Variants in CHD7 observed in about 807,000 individuals in gnomAD.
CHD7 encodes chromodomain helicase DNA binding protein 7.
CHD7 carries 24 observed loss-of-function variants against 307.3 expected under a neutral mutation model. The ratio of observed to expected loss-of-function variants is 0.08; its 90% CI spans 0.06 to 0.11. The LOEUF is 0.11. CHD7 is among the 10% of genes least tolerant of loss of function. The pLI, the probability that CHD7 is intolerant of heterozygous loss-of-function variation, is 1.00. For missense variants in CHD7, 3,106 were observed against 3,727.1 expected (o/e 0.83, Z 4.34); for synonymous variants, 1,363 against 1,349.9 (o/e 1.01, Z -0.21).
intron 1 of CHD7, among the ~76,000 whole-genome samples, chr8:60,708,584 A>G (rs150501255): frequency 6.6e-6 from 1 of 152,304 alleles, no homozygotes; most frequent in Non-Finnish European, 1.5e-5. Flanking sequence ...TTCTAACTGT[A>G]GGATCTGCTC....
intron 1 of CHD7, among the ~76,000 whole-genome samples, chr8:60,695,351 A>G (rs574462919): frequency 1.3e-5 from 2 of 152,328 alleles, no homozygotes; most frequent in South Asian, 2.1e-4. Flanking sequence ...ATAATTTGAC[A>G]TTGTTTTTAT....
chr8:60,848,863 T>C (rs1805325576), intron 24 of CHD7, among the ~76,000 whole-genome samples, 188 bp from the exon 25 acceptor site: 1 of 152,202 alleles, frequency 6.6e-6, no homozygotes, highest in African/African-American at 2.4e-5. Flanking sequence ...TGGGATACCA[T>C]GTGATAAAGT....
At chr8:60,762,153 A>T (rs1292205564) in intron 2 of CHD7, among the ~76,000 whole-genome samples, 1 of 152,036 alleles carries the variant, frequency 6.6e-6, no homozygotes, top group Non-Finnish European at 1.5e-5. Context: ...CTCTCAGTAA[A>T]GTCCTTCTTA....
chr8:60,866,077 A>G lies in CHD7; in HGVS notation c.*144A>G, dbSNP rs540143684. ...AAAAAAAAAGTTCAAGTCATGTTAT[A>G]CAGGTGTGTCAAAAGGTATCTTGGT... is the stretch of plus-strand genomic sequence containing the variant. On this transcript the variant is annotated 3_prime_UTR_variant, in exon 38 of 38. Coordinates refer to ENST00000423902, the MANE Select transcript of CHD7 (RefSeq NM_017780.4). 1 of 684,798 alleles carries G rather than the reference A, an allele frequency of 1.5e-6. No homozygotes were observed. Among genetic ancestry groups the G allele is most frequent in the East Asian group, 2.7e-5 (1 of 36,866 alleles). The allele number at this position is 684,798 out of a possible 1,614,324, so 42.4% of individuals were successfully genotyped here. A position where few individuals can be genotyped will look rare whatever the true frequency, so the allele number is the denominator to read the frequency against.
chr8:60,717,753 A>T (rs1000306749), intron 1 of CHD7, among the ~76,000 whole-genome samples: 1 of 152,116 alleles, frequency 6.6e-6, no homozygotes, highest in African/African-American at 2.4e-5. Flanking sequence ...AATTGTAGTC[A>T]TCATAATGTA....
At chr8:60,822,241 C>A in intron 11 of CHD7, 96 bp downstream of exon 11, 1 of 1,080,272 alleles carries the variant, frequency 9.3e-7, no homozygotes. Context: ...TGTTTTAACT[C>A]TAATAAGAGC....
rs1260078121 is a variant in CHD7, at chr8:60,822,830, G to A, written c.3201+84G>A. 10 of 1,349,364 alleles carry A rather than the reference G, an allele frequency of 7.4e-6. No individual in the cohort carries two copies. The East Asian group carries it at 1.5e-4, about 20-fold the overall frequency. 83.6% of individuals were successfully genotyped at this position (1,349,364 alleles called of 1,614,324 possible). On this transcript the variant is annotated intron_variant, in intron 12 of 37. Transcript: ENST00000423902. Reference sequence around the variant, plus strand: ...AAAAATCAAAGTCTTGGTGACTTGGGAAGGTCTAAATTTTGCCAAATTGAG... The same window carrying A: ...AAAAATCAAAGTCTTGGTGACTTGGAAAGGTCTAAATTTTGCCAAATTGAG...
chr8:60,831,979 G>C (rs980457130), intron 15 of CHD7, among the ~76,000 whole-genome samples: 2 of 151,900 alleles, frequency 1.3e-5, no homozygotes, highest in Non-Finnish European at 2.9e-5. Context: ...GGGATCATTG[G>C]TGTGATGCGA....
intron 2 of CHD7, among the ~76,000 whole-genome samples, chr8:60,748,288 G>C (rs1809432651): frequency 6.6e-6 from 1 of 152,180 alleles, no homozygotes; most frequent in Non-Finnish European, 1.5e-5. Context: ...ATGGATAAAG[G>C]AGGGAAAAGA....
chr8:60,800,886 A>G (rs1471628566), intron 5 of CHD7, among the ~76,000 whole-genome samples: 1 of 152,208 alleles, frequency 6.6e-6, no homozygotes, highest in African/African-American at 2.4e-5. Context: ...TCCTGCTGTT[A>G]GGCACTGTGA....
chr8:60,818,052 A>G (rs1803831141), intron 8 of CHD7, among the ~76,000 whole-genome samples: 1 of 152,226 alleles, frequency 6.6e-6, no homozygotes, highest in Non-Finnish European at 1.5e-5. Context: ...CTTGGCAGCT[A>G]GAAATCTTAG....
At chr8:60,844,838 C>G (rs1301085774) in intron 21 of CHD7, 26 bp from the exon 22 acceptor site, 2 of 1,556,674 alleles carry the variant, frequency 1.3e-6, no homozygotes, top group Admixed American at 3.6e-5. Flanking sequence ...ACAGGCACCT[C>G]TGCATGCTGG....
chr8:60,783,551 G>A (rs1460888854), intron 3 of CHD7, among the ~76,000 whole-genome samples: 1 of 152,120 alleles, frequency 6.6e-6, no homozygotes, highest in Non-Finnish European at 1.5e-5. Flanking sequence ...CAAGCTTTTG[G>A]TAGGAAGAAA....
At chr8:60,755,464 A>G (rs1483685238) in intron 2 of CHD7, among the ~76,000 whole-genome samples, 1 of 152,096 alleles carries the variant, frequency 6.6e-6, no homozygotes, top group African/African-American at 2.4e-5. Context: ...TCAAATTTAA[A>G]TATAGGGAGA....
At chr8:60,776,150 T>C (rs769241459) in intron 2 of CHD7, among the ~76,000 whole-genome samples, 52 of 152,164 alleles carry the variant, frequency 3.4e-4, no homozygotes, top group Non-Finnish European at 6.5e-4. Context: ...CTTTTTGCCT[T>C]CTCAATTAAT....
At chr8:60,753,770 G>A (rs137960621) in intron 2 of CHD7, among the ~76,000 whole-genome samples, 2 of 151,592 alleles carry the variant, frequency 1.3e-5, no homozygotes, top group South Asian at 2.1e-4. Flanking sequence ...GGCTACAGTC[G>A]CCCACCACCG....
chr8:60,706,153 C>T (rs1586189100), intron 1 of CHD7, among the ~76,000 whole-genome samples: 1 of 152,010 alleles, frequency 6.6e-6, no homozygotes, highest in Non-Finnish European at 1.5e-5. Flanking sequence ...CCTTTTACAC[C>T]ATGGTGATTA....
chr8:60,701,339 C>T (rs1332998087), intron 1 of CHD7, among the ~76,000 whole-genome samples: 2 of 152,206 alleles, frequency 1.3e-5, no homozygotes, highest in African/African-American at 2.4e-5. Context: ...GTCTTATAAT[C>T]AGTATCTTTA....
At chr8:60,730,962 G>T (rs962106074) in intron 1 of CHD7, among the ~76,000 whole-genome samples, 1 of 152,082 alleles carries the variant, frequency 6.6e-6, no homozygotes, top group Non-Finnish European at 1.5e-5. Flanking sequence ...GCATTGACCT[G>T]CACTGTCCCA....
Sources: gnomAD v4.1 joint callset for allele counts (sites outside exome capture counted in the v4.1 genomes callset) on GRCh38, gnomAD v4.1.1 for gene constraint, MANE v1.5 for transcripts, NCBI Gene and HGNC (gene_info 2026-07-23, HGNC 2026-07-21) for gene names.